COP1: variants seen among roughly 807,000 people sequenced by gnomAD.
The protein encoded by COP1 is E3 ubiquitin-protein ligase COP1.
In COP1, 24 loss-of-function variants were observed where a neutral mutation model predicts 101.3. That is an observed-to-expected ratio of 0.24 (90% CI 0.17 to 0.33). The LOEUF is 0.33. Ranked by LOEUF, COP1 falls within the 10% of genes least tolerant of loss-of-function variation. The probability of loss-of-function intolerance (pLI) is 1.00; values close to 1 mark genes in which losing one functional copy is unlikely to be tolerated. For synonymous variants in COP1, 347 were observed against 341.9 expected (o/e 1.01, Z -0.17); for missense variants, 663 against 906.2 (o/e 0.73, Z 3.45).
In COP1 at chr1:176,176,083, A is replaced by G. The variant is rs111702930; in HGVS notation, c.468-76T>C. The G allele has an allele frequency of 8.5e-4, 612 of 720,208 alleles. 4 individuals carry two copies. In the African/African-American group the frequency reaches 9.6e-3, roughly 11 times the overall value. 44.6% of individuals were successfully genotyped at this position (720,208 alleles called of 1,614,324 possible). On this transcript the variant is annotated intron_variant, in intron 2 of 19. Transcript: ENST00000367669. The stretch of plus-strand genomic sequence containing the variant: ...ATAAACTGGTCACAAAATAATGACT[A>G]TTAGTCTTCTATTCCTCATTTTCAA...
At chr1:175,961,293 G>A (rs1422968181) in intron 18 of COP1, among the ~76,000 whole-genome samples, 2 of 152,156 alleles carry the variant, frequency 1.3e-5, no homozygotes, top group Non-Finnish European at 2.9e-5. Context: ...AAGACATAAA[G>A]AAACGCTCCC....
chr1:175,975,524 C>G (rs1435333725), intron 18 of COP1, among the ~76,000 whole-genome samples: 1 of 152,098 alleles, frequency 6.6e-6, no homozygotes, highest in Admixed American at 6.6e-5. Flanking sequence ...ATTCTCATGT[C>G]TCAGCCATCT....
chr1:176,172,483 T>C (rs569313173), intron 3 of COP1, among the ~76,000 whole-genome samples: 2 of 152,270 alleles, frequency 1.3e-5, no homozygotes, highest in South Asian at 2.1e-4. Context: ...GCTGTAGAAA[T>C]TGTGTGGACC....
In COP1 at chr1:176,206,630, C is replaced by T; in HGVS notation, c.349G>A (p.Ala117Thr). 3.1e-6 allele frequency: 5 copies of T among 1,612,134 alleles called. No individual in the cohort carries two copies. The highest frequency in any genetic ancestry group is 3.4e-6 in the Non-Finnish European group (4 of 1,179,984). The change falls in exon 1 of 20, where the codon GCC becomes ACC. Residue 117 changes from alanine (A) to threonine (T), a missense_variant. Transcript: ENST00000367669. ...GSGSRKRPLL[A>T]PLCNGLINSY... ...TTGATGAGCCCGTTGCAGAGGGGGG[C>T]GAGGAGAGGTCGCTTCCTGCTGCCG...
chr1:176,169,621 T>C lies in COP1; in HGVS notation c.566-5730A>G, dbSNP rs1302812584. 3.9e-5 allele frequency among the ~76,000 whole-genome samples: 6 copies of C among 152,216 alleles called. 1 individual carries two copies. In the South Asian group the frequency reaches 8.3e-4, roughly 21 times the overall value. On this transcript the variant is annotated intron_variant, in intron 3 of 19. Transcript: ENST00000367669. ...TATATACGTTTATTAAAAAATACTT[T>C]ATTGCTAAAAAATGCTAATGACCAT... is the stretch of plus-strand genomic sequence containing the variant.
chr1:176,022,199 G>C (rs1285250051), intron 15 of COP1, among the ~76,000 whole-genome samples: 1 of 152,126 alleles, frequency 6.6e-6, no homozygotes, highest in Non-Finnish European at 1.5e-5. Context: ...CAAAATAAAA[G>C]TACAAAGAGA....
intron 9 of COP1, among the ~76,000 whole-genome samples, chr1:176,087,844 T>G (rs1478662497): frequency 6.6e-6 from 1 of 152,154 alleles, no homozygotes; most frequent in African/African-American, 2.4e-5. Flanking sequence ...AGCAAAGACT[T>G]GGAACCAACT....
intron 18 of COP1, among the ~76,000 whole-genome samples, chr1:175,970,630 C>A (rs1483808489): frequency 2.6e-5 from 4 of 151,952 alleles, no homozygotes; most frequent in African/African-American, 9.7e-5. Context: ...ATCTGAGTTA[C>A]CTTTGAGTAT....
chr1:176,057,853 C>T (rs1449529721), intron 11 of COP1, among the ~76,000 whole-genome samples: 3 of 151,102 alleles, frequency 2.0e-5, no homozygotes, highest in East Asian at 3.9e-4. Flanking sequence ...AAGTAAGGAG[C>T]GCCTCTTCCC....
intron 15 of COP1, among the ~76,000 whole-genome samples, chr1:175,992,317 G>A (rs774604990): frequency 8.5e-5 from 13 of 152,190 alleles, no homozygotes; most frequent in Non-Finnish European, 1.9e-4. Flanking sequence ...CAGAGTGAGC[G>A]ACGCAGAAGA....
chr1:176,147,542 T>G (rs1454238294), intron 6 of COP1, among the ~76,000 whole-genome samples: 1 of 152,180 alleles, frequency 6.6e-6, no homozygotes. Context: ...GGAACTAGTA[T>G]GTTTCTTGGT....
At chr1:175,997,993 G>T (rs1254032338) in intron 15 of COP1, among the ~76,000 whole-genome samples, 1 of 144,328 alleles carries the variant, frequency 6.9e-6, no homozygotes, top group Admixed American at 7.2e-5. Flanking sequence ...AAGACTTGGA[G>T]CCAACCCAAA....
At chr1:176,090,842 G>A (rs919848694) in intron 9 of COP1, among the ~76,000 whole-genome samples, 2 of 152,194 alleles carry the variant, frequency 1.3e-5, no homozygotes, top group African/African-American at 4.8e-5. Flanking sequence ...TGGAAGAGTT[G>A]ATGGCTGAGG....
At chr1:176,021,827 TGAAA>T (rs1666794847) in intron 15 of COP1, among the ~76,000 whole-genome samples, 2 of 152,170 alleles carry the variant, frequency 1.3e-5, no homozygotes, top group Admixed American at 1.3e-4. Flanking sequence ...TTGACTTTAT[TGAAA>T]AAGAGAAGCA....
rs1393866117 is a variant in COP1 at position 175,996,551 on chromosome 1, C to T, written c.1730-7072G>A. ...AGCTGATAAGCAACTTCAGCAAAGT[C>T]TCAGGATACAAAATCAATGTACAAA... On this transcript the variant is annotated intron_variant, in intron 15 of 19. Transcript: ENST00000367669. Among the ~76,000 whole-genome samples, 7 of 152,102 alleles carry T rather than the reference C, an allele frequency of 4.6e-5. No individual in the cohort carries two copies. In the South Asian group the frequency reaches 1.5e-3, roughly 32 times the overall value.
chr1:176,206,848 G>A lies in COP1; in HGVS notation c.131C>T (p.Ala44Val), dbSNP rs1572855336. ...SPSPPSVAVSAAALVSGGVAQ... is the reference protein window; with the variant it reads ...SPSPPSVAVSVAALVSGGVAQ... ...CACCCCGCCGGACACCAGCGCTGCCGCCGAAACCGCCACGGAAGGCGGCGA... is the reference window on the plus strand; with the variant it reads ...CACCCCGCCGGACACCAGCGCTGCCACCGAAACCGCCACGGAAGGCGGCGA... The change falls in exon 1 of 20, where the codon GCG becomes GTG. Residue 44 changes from alanine to valine, a missense_variant. By Grantham distance (64) the Ala-to-Val change is moderately conservative (BLOSUM62 0). Transcript: ENST00000367669. The A allele has an allele frequency of 1.4e-6, 2 of 1,430,652 alleles. No homozygotes were observed. The highest frequency in any genetic ancestry group is 1.8e-6 in the Non-Finnish European group (2 of 1,097,644). The allele number at this position is 1,430,652 out of a possible 1,614,324, so 88.6% of individuals were successfully genotyped here. A position where few individuals can be genotyped will look rare whatever the true frequency, so the allele number is the denominator to read the frequency against.
chr1:176,025,945 G>A (rs1441209846), intron 15 of COP1, among the ~76,000 whole-genome samples: 1 of 151,866 alleles, frequency 6.6e-6, no homozygotes, highest in Admixed American at 6.6e-5. Context: ...ATGTAACTGT[G>A]GAAAGACATA....
chr1:176,041,363 T>TTTTTTC, intron 14 of COP1, among the ~76,000 whole-genome samples: 1 of 151,868 alleles, frequency 6.6e-6, no homozygotes, highest in South Asian at 2.1e-4. Flanking sequence ...CTTTTTTTTT[T>TTTTTTC]TTGAGACAGA....
rs764943754 is a variant in COP1, at chr1:175,989,497, T to C, written c.1730-18A>G. On this transcript the variant is annotated intron_variant, in intron 15 of 19. Coordinates refer to ENST00000367669, the MANE Select transcript of COP1 (RefSeq NM_022457.7). ...ACAGTGATCTAAAACAAAACAAAAT[T>C]AGATAAATGTAGTAAATGCAGAAAT... 1 of 1,270,570 alleles carries C rather than the reference T, an allele frequency of 7.9e-7. No homozygotes were observed. Among genetic ancestry groups the C allele is most frequent in the African/African-American group, 1.5e-5 (1 of 68,204 alleles). The allele number at this position is 1,270,570 out of a possible 1,614,324, so 78.7% of individuals were successfully genotyped here.
Sources: allele counts gnomAD v4.1 joint callset (sites outside exome capture counted in the v4.1 genomes callset), GRCh38; gene constraint gnomAD v4.1.1; transcripts MANE v1.5; gene names NCBI Gene and HGNC (gene_info 2026-07-23, HGNC 2026-07-21).